NEDD4L: variants seen among roughly 807,000 people sequenced by gnomAD.
NEDD4L encodes the protein E3 ubiquitin-protein ligase NEDD4-like.
Under a neutral mutation model 148.9 loss-of-function variants are expected in NEDD4L, and 54 were observed. The ratio of observed to expected loss-of-function variants is 0.36; its 90% CI spans 0.29 to 0.45. NEDD4L has a LOEUF of 0.45. Ranked by LOEUF, NEDD4L falls within the 20% of genes least tolerant of loss-of-function variation. The pLI, the probability that NEDD4L is intolerant of heterozygous loss-of-function variation, is 1.00. For synonymous variants in NEDD4L, 433 were observed against 440.7 expected, an observed-to-expected ratio of 0.98 and a Z score of 0.22; for missense variants, 856 against 1,233.8, an observed-to-expected ratio of 0.69 and a Z score of 4.59.
intron 1 of NEDD4L, among the ~76,000 whole-genome samples, chr18:58,056,894 CT>C (rs74183230): frequency 0.017 from 2,061 of 121,568 alleles, 44 homozygotes; most frequent in African/African-American, 0.054. Flanking sequence ...GCTATGCCCT[CT>C]TTTTTTTTTT....
intron 1 of NEDD4L, among the ~76,000 whole-genome samples, chr18:58,052,830 G>A (rs924237259): frequency 6.6e-6 from 1 of 152,052 alleles, no homozygotes; most frequent in Non-Finnish European, 1.5e-5. Context: ...GCTGGGCGTC[G>A]TGGCGTGCCC....
chr18:58,107,879 T>TG (rs1247423888), intron 1 of NEDD4L, among the ~76,000 whole-genome samples: 3 of 151,984 alleles, frequency 2.0e-5, no homozygotes, highest in African/African-American at 4.8e-5. Context: ...TATGCCCAGC[T>TG]AATTTTTTTT....
At chr18:58,284,880 G>A (rs2053662168) in intron 5 of NEDD4L, among the ~76,000 whole-genome samples, 1 of 152,204 alleles carries the variant, frequency 6.6e-6, no homozygotes, top group South Asian at 2.1e-4. Flanking sequence ...GGACTGCTGT[G>A]TGGTTGGGAC....
intron 5 of NEDD4L, among the ~76,000 whole-genome samples, chr18:58,314,774 C>A (rs188579659): frequency 5.9e-5 from 9 of 152,106 alleles, no homozygotes; most frequent in Admixed American, 1.3e-4. Flanking sequence ...TTTTTATTAT[C>A]CAGAATGGAT....
intron 1 of NEDD4L, chr18:58,045,308 AG>A: frequency 2.5e-6 from 1 of 393,966 alleles, no homozygotes; most frequent in Non-Finnish European, 4.5e-6. Context: ...TCGGTGGGGG[AG>A]GTGTTCAAGG....
intron 1 of NEDD4L, among the ~76,000 whole-genome samples, chr18:58,092,872 T>G (rs1046662620): frequency 3.3e-5 from 5 of 151,104 alleles, no homozygotes; most frequent in Non-Finnish European, 5.9e-5. Context: ...TTTTGTTTTT[T>G]TTTTTGGAGA....
At chr18:58,263,486 A>T (rs555193161) in intron 5 of NEDD4L, among the ~76,000 whole-genome samples, 4 of 152,126 alleles carry the variant, frequency 2.6e-5, no homozygotes, top group Admixed American at 1.3e-4. Flanking sequence ...GTTGTTATTA[A>T]GCATGTTAAA....
intron 1 of NEDD4L, among the ~76,000 whole-genome samples, chr18:58,059,724 A>G (rs984288102): frequency 1.3e-5 from 2 of 152,230 alleles, no homozygotes; most frequent in African/African-American, 4.8e-5. Flanking sequence ...GACTCTGGTT[A>G]GTAACAATGT....
At chr18:58,210,160 T>C (rs2042456318) in intron 2 of NEDD4L, among the ~76,000 whole-genome samples, 1 of 151,932 alleles carries the variant, frequency 6.6e-6, no homozygotes, top group African/African-American at 2.4e-5. Flanking sequence ...AAGCGACACT[T>C]CGTCTCAACA....
chr18:58,217,187 G>A (rs948070006), intron 2 of NEDD4L, among the ~76,000 whole-genome samples: 1 of 152,162 alleles, frequency 6.6e-6, no homozygotes, highest in Non-Finnish European at 1.5e-5. Flanking sequence ...AAAAGCTAAC[G>A]CGAGTTAGGA....
intron 23 of NEDD4L, chr18:58,371,656 G>A (rs1433318093): frequency 2.0e-5 from 3 of 152,750 alleles, no homozygotes; most frequent in Non-Finnish European, 4.4e-5. Flanking sequence ...CGCTGACTCA[G>A]TGTTTCTGTT....
intron 13 of NEDD4L, among the ~76,000 whole-genome samples, chr18:58,339,613 G>T (rs1456159649): frequency 6.6e-6 from 1 of 152,070 alleles, no homozygotes; most frequent in Admixed American, 6.5e-5. Context: ...TTAAGGAAAT[G>T]GTTTTCCTTA....
At chr18:58,328,396 T>C (rs1031692618) in intron 9 of NEDD4L, among the ~76,000 whole-genome samples, 8 of 152,234 alleles carry the variant, frequency 5.3e-5, no homozygotes, top group African/African-American at 1.2e-4. Flanking sequence ...CCTGATGTTA[T>C]TAGGATTTTT....
At position 58,396,202 on chromosome 18, in the gene NEDD4L, T is replaced by G; in HGVS notation, c.2861T>G (p.Phe954Cys). The G allele has an allele frequency of 6.2e-7, 1 of 1,613,748 alleles. No homozygotes were observed. The highest frequency in any genetic ancestry group is 8.5e-7 in the Non-Finnish European group (1 of 1,179,736). ...CTTGACTTACCTCCATATGAAACCT[T>G]TGAAGATTTACGAGAGAAACTTCTC... ...NRLDLPPYETFEDLREKLLMA... is the reference protein window; with the variant it reads ...NRLDLPPYETCEDLREKLLMA... The change falls in exon 31 of 31, where the codon TTT (phenylalanine) becomes TGT (cysteine). Residue 954 changes from phenylalanine (F) to cysteine (C), a missense_variant. Phe to Cys is a radical substitution (Grantham distance 205, BLOSUM62 -2). Coordinates refer to ENST00000400345, the MANE Select transcript of NEDD4L (RefSeq NM_001144967.3).
intron 1 of NEDD4L, among the ~76,000 whole-genome samples, chr18:58,151,004 A>G (rs1427029533): frequency 6.6e-6 from 1 of 152,252 alleles, no homozygotes; most frequent in Non-Finnish European, 1.5e-5. Context: ...TCAACCAGGC[A>G]GAGATTGGGA....
chr18:58,080,009 C>A (rs995430509), intron 1 of NEDD4L, among the ~76,000 whole-genome samples: 1 of 152,152 alleles, frequency 6.6e-6, no homozygotes, highest in Non-Finnish European at 1.5e-5. Context: ...CTCACTGTAG[C>A]CTTGAACTCC....
intron 2 of NEDD4L, among the ~76,000 whole-genome samples, chr18:58,228,548 T>G (rs1485188843): frequency 6.6e-6 from 1 of 152,224 alleles, no homozygotes; most frequent in Non-Finnish European, 1.5e-5. Context: ...GCATAGGCTA[T>G]TTGATTAATA....
chr18:58,057,096 C>T (rs763128449), intron 1 of NEDD4L, among the ~76,000 whole-genome samples: 6 of 151,900 alleles, frequency 3.9e-5, no homozygotes, highest in South Asian at 2.1e-4. Flanking sequence ...AAGTCAGGCA[C>T]GGTGACCCTG....
At chr18:58,148,844 G>A (rs2034383126) in intron 1 of NEDD4L, among the ~76,000 whole-genome samples, 1 of 152,158 alleles carries the variant, frequency 6.6e-6, no homozygotes, top group South Asian at 2.1e-4. Context: ...AATATGTGGT[G>A]GGTTCAAGAA....
Sources: gnomAD v4.1 joint callset for allele counts (sites outside exome capture counted in the v4.1 genomes callset) on GRCh38, gnomAD v4.1.1 for gene constraint, MANE v1.5 for transcripts, NCBI Gene and HGNC (gene_info 2026-07-23, HGNC 2026-07-21) for gene names.